Variants in P2RY14 observed in about 807,000 individuals in gnomAD.
P2RY14 encodes the protein purinergic receptor P2Y14.
P2RY14 carries 2 observed loss-of-function variants against 0.9 expected under a neutral mutation model. The ratio of observed to expected loss-of-function variants is 2.16; its 90% CI spans 0.88 to 6.79. The LOEUF is 6.79. Among genes scored for constraint, P2RY14 ranks in the 30% most tolerant of loss-of-function variants. The probability of loss-of-function intolerance (pLI) is 0.05; values close to 1 mark genes in which losing one functional copy is unlikely to be tolerated. For missense variants in P2RY14, 378 were observed against 400.1 expected, an observed-to-expected ratio of 0.94 and a Z score of 0.47; for synonymous variants, 158 against 147.2, an observed-to-expected ratio of 1.07 and a Z score of -0.53.
At chr3:151,241,325 A>G (rs1280758883) in intron 1 of P2RY14, among the ~76,000 whole-genome samples, 10 of 152,240 alleles carry the variant, frequency 6.6e-5, no homozygotes, top group Admixed American at 6.5e-4. Context: ...TTGTATCAAT[A>G]TCAAAGAGTA....
At chr3:151,260,391 C>T (rs1048842167) in intron 1 of P2RY14, among the ~76,000 whole-genome samples, 1 of 152,076 alleles carries the variant, frequency 6.6e-6, no homozygotes, top group South Asian at 2.1e-4. Flanking sequence ...GCTCTGTTGT[C>T]CAGGCTGGAG....
chr3:151,257,973 A>T (rs1738144164), intron 1 of P2RY14, among the ~76,000 whole-genome samples: 1 of 152,180 alleles, frequency 6.6e-6, no homozygotes, highest in African/African-American at 2.4e-5. Context: ...AATAGATAAC[A>T]TAAGAAACAA....
At chr3:151,229,447 C>T (rs1731184569) in intron 1 of P2RY14, among the ~76,000 whole-genome samples, 1 of 149,626 alleles carries the variant, frequency 6.7e-6, no homozygotes, top group African/African-American at 2.5e-5. Context: ...GCTGGGACTA[C>T]AGGCTCGTGC....
At chr3:151,254,561 C>A (rs928736100) in intron 1 of P2RY14, among the ~76,000 whole-genome samples, 7 of 152,146 alleles carry the variant, frequency 4.6e-5, no homozygotes, top group African/African-American at 1.4e-4. Context: ...ATAATTTGAA[C>A]CAAACCTTAT....
intron 1 of P2RY14, among the ~76,000 whole-genome samples, chr3:151,236,383 A>G (rs181702476): frequency 1.3e-5 from 2 of 152,356 alleles, no homozygotes; most frequent in East Asian, 3.9e-4. Context: ...TAGAATAATC[A>G]TAATTCTTGA....
At chr3:151,249,527 G>T (rs1736430897) in intron 1 of P2RY14, among the ~76,000 whole-genome samples, 1 of 152,032 alleles carries the variant, frequency 6.6e-6, no homozygotes, top group African/African-American at 2.4e-5. Context: ...ATATTGAAAG[G>T]ACCCCAAGAC....
At chr3:151,244,888 A>G (rs553128176) in intron 1 of P2RY14, among the ~76,000 whole-genome samples, 28 of 152,248 alleles carry the variant, frequency 1.8e-4, no homozygotes, top group Admixed American at 1.5e-3. Flanking sequence ...TAATAAAGAA[A>G]AAAAGAGAGA....
At chr3:151,235,443 T>C (rs983626946) in intron 1 of P2RY14, among the ~76,000 whole-genome samples, 1 of 152,142 alleles carries the variant, frequency 6.6e-6, no homozygotes, top group Admixed American at 6.5e-5. Flanking sequence ...TGGTGGCTCA[T>C]GCTTGTAATC....
At chr3:151,217,171 C>T (rs1728403435) in intron 2 of P2RY14, among the ~76,000 whole-genome samples, 1 of 152,090 alleles carries the variant, frequency 6.6e-6, no homozygotes, top group African/African-American at 2.4e-5. Context: ...AGCCAAATTC[C>T]TTTCCTTTTA....
chr3:151,243,038 A>C (rs199904359), intron 1 of P2RY14, among the ~76,000 whole-genome samples: 3 of 150,694 alleles, frequency 2.0e-5, no homozygotes, highest in South Asian at 2.1e-4. Context: ...GAAATGAATG[A>C]AATGAAGCGA....
rs1559962872 is a variant in P2RY14, at chr3:151,269,442, A to ACAC, written c.-133+8844_-133+8845insGTG. On this transcript the variant is annotated intron_variant, in intron 1 of 2. Coordinates refer to ENST00000309170, the MANE Select transcript of P2RY14 (RefSeq NM_014879.4). ...ACACACACACACACACACACACACAAAATTCAGAGACTTAATGAACAAGCC... is the reference window on the plus strand; with the variant it reads ...ACACACACACACACACACACACACAACACAATTCAGAGACTTAATGAACAAGCC... The ACAC allele has an allele frequency of 2.7e-3, 481 of 177,998 alleles. 2 individuals are homozygous for ACAC. Among genetic ancestry groups the ACAC allele is most frequent in the African/African-American group, 0.021 (462 of 22,330 alleles). The allele number at this position is 177,998 out of a possible 1,614,324, so 11.0% of individuals were successfully genotyped here.
chr3:151,221,420 A>C (rs1342649858), intron 1 of P2RY14, among the ~76,000 whole-genome samples: 4 of 152,220 alleles, frequency 2.6e-5, no homozygotes, highest in African/African-American at 4.8e-5. Context: ...GGGCATGTCA[A>C]AGGTCTTTAC....
At chr3:151,234,800 G>A (rs1490198604) in intron 1 of P2RY14, among the ~76,000 whole-genome samples, 3 of 152,118 alleles carry the variant, frequency 2.0e-5, no homozygotes, top group African/African-American at 7.2e-5. Context: ...ATATAATGTG[G>A]ACTATCATTA....
chr3:151,229,307 T>C (rs1238509397), intron 1 of P2RY14, among the ~76,000 whole-genome samples: 1 of 44,840 alleles, frequency 2.2e-5, no homozygotes, highest in African/African-American at 9.2e-5. Context: ...CAGCAATTCT[T>C]TTTTTTTTTT....
At chr3:151,257,750 G>T (rs975676466) in intron 1 of P2RY14, among the ~76,000 whole-genome samples, 1 of 152,128 alleles carries the variant, frequency 6.6e-6, no homozygotes, top group African/African-American at 2.4e-5. Flanking sequence ...TGGTATTTAT[G>T]GAGCTATATC....
chr3:151,218,051 CCTTAT>C (rs1260266749), intron 2 of P2RY14, among the ~76,000 whole-genome samples: 2 of 152,224 alleles, frequency 1.3e-5, no homozygotes, highest in Non-Finnish European at 2.9e-5. Context: ...AGTCTCCTCT[CCTTAT>C]CTTTAGTACA....
chr3:151,244,827 G>T (rs1735019271), intron 1 of P2RY14, among the ~76,000 whole-genome samples: 1 of 152,098 alleles, frequency 6.6e-6, no homozygotes, highest in African/African-American at 2.4e-5. Flanking sequence ...ATGAATCCAG[G>T]AGCTGGTTTT....
At chr3:151,264,589 T>A (rs777070213) in intron 1 of P2RY14, among the ~76,000 whole-genome samples, 1 of 152,208 alleles carries the variant, frequency 6.6e-6, no homozygotes, top group African/African-American at 2.4e-5. Flanking sequence ...CCTGAAATTG[T>A]TTCCCTCAAA....
intron 2 of P2RY14, among the ~76,000 whole-genome samples, chr3:151,217,066 CTG>C (rs1728382191): frequency 6.6e-6 from 1 of 152,116 alleles, no homozygotes; most frequent in Non-Finnish European, 1.5e-5. Flanking sequence ...ATATAAAAAA[CTG>C]TAGCTGTTAT....
Sources: gnomAD v4.1 joint callset for allele counts (sites outside exome capture counted in the v4.1 genomes callset) on GRCh38, gnomAD v4.1.1 for gene constraint, MANE v1.5 for transcripts, NCBI Gene and HGNC (gene_info 2026-07-23, HGNC 2026-07-21) for gene names.